Variants in SNX8 observed in about 807,000 individuals in gnomAD.
The protein encoded by SNX8 is sorting nexin-8.
Under a neutral mutation model 51.6 loss-of-function variants are expected in SNX8, and 25 were observed. The observed-to-expected ratio is 0.48, with a 90% CI of 0.35 to 0.68. The LOEUF (loss-of-function observed/expected upper bound fraction) is 0.68, where lower values mean the gene tolerates loss of function less well. Among genes scored for constraint, SNX8 ranks in the 30% least tolerant of loss-of-function variants. The pLI is 0.00. For missense variants in SNX8, 695 were observed against 624.0 expected (o/e 1.11, Z -1.21); for synonymous variants, 324 against 277.0 (o/e 1.17, Z -1.68).
At chr7:2,354,280 C>T (rs1274768757) in exon 1 of SNX8, 1 of 152,216 alleles carries the variant, frequency 6.6e-6, no homozygotes, top group Non-Finnish European at 1.5e-5. Context: ...TCTGGCTCGC[C>T]CCGAATTCCT....
At chr7:2,315,984 T>C (rs1796749228), upstream of SNX8, among the ~76,000 whole-genome samples, 1 of 122,004 alleles carries the variant, frequency 8.2e-6, no homozygotes. Context: ...CATACATTCA[T>C]TCACCCACAC....
chr7:2,304,462 T>C (rs1357542445), intron 1 of SNX8, among the ~76,000 whole-genome samples: 1 of 151,406 alleles, frequency 6.6e-6, no homozygotes, highest in Non-Finnish European at 1.5e-5. Context: ...GAGAATGGCG[T>C]GAACCCGGGA....
intron 1 of SNX8, among the ~76,000 whole-genome samples, chr7:2,327,164 C>T (rs1205041150): frequency 6.6e-6 from 1 of 152,062 alleles, no homozygotes; most frequent in East Asian, 1.9e-4. Context: ...CACGTCACCT[C>T]AGTCTCTGCC....
chr7:2,346,963 G>T (rs912724300), intron 1 of SNX8, among the ~76,000 whole-genome samples: 2 of 150,952 alleles, frequency 1.3e-5, no homozygotes, highest in Non-Finnish European at 3.0e-5. Flanking sequence ...TAGGGAAATA[G>T]GGAGCATCTG....
At chr7:2,261,141 C>T (rs1366023467) in intron 7 of SNX8, among the ~76,000 whole-genome samples, 1 of 152,216 alleles carries the variant, frequency 6.6e-6, no homozygotes, top group Non-Finnish European at 1.5e-5. Context: ...ATTACAGAAA[C>T]AGCTCCTTTG....
chr7:2,323,874 C>T (rs558313469), intron 1 of SNX8, among the ~76,000 whole-genome samples: 14 of 152,044 alleles, frequency 9.2e-5, no homozygotes, highest in African/African-American at 3.1e-4. Context: ...GGCACCATCT[C>T]GGCTCACTGC....
chr7:2,345,612 A>G (rs1054033677), intron 1 of SNX8, among the ~76,000 whole-genome samples: 2 of 151,292 alleles, frequency 1.3e-5, no homozygotes, highest in Non-Finnish European at 2.9e-5. Flanking sequence ...CAGGAGGTGG[A>G]GGATGCAGTG....
Position 2,269,612 on chromosome 7 carries a change from C to T in SNX8, c.568G>A (p.Ala190Thr). ...AGGAATTCGTCCCCGACGCACTGTG[C>T]TGACTCCTTTAACTTGTTCTGCACA... is the stretch of plus-strand genomic sequence containing the variant. ...SDVQNKLKES[A>T]QCVGDEFLNC... The change falls in exon 5 of 11, where the codon GCA becomes ACA. Residue 190 changes from alanine to threonine, a missense_variant. Coordinates refer to ENST00000222990, the MANE Select transcript of SNX8 (RefSeq NM_013321.4). 1.2e-6 allele frequency: 2 copies of T among 1,601,998 alleles called. No individual in the cohort carries two copies. The highest frequency in any genetic ancestry group is 8.5e-7 in the Non-Finnish European group (1 of 1,174,316).
intron 7 of SNX8, among the ~76,000 whole-genome samples, chr7:2,263,027 G>A (rs1159573362): frequency 6.6e-6 from 1 of 152,264 alleles, no homozygotes; most frequent in Non-Finnish European, 1.5e-5. Context: ...GCTAAGGCAG[G>A]AGAATCACTT....
chr7:2,349,646 A>G (rs1779102175), intron 1 of SNX8, among the ~76,000 whole-genome samples: 1 of 151,954 alleles, frequency 6.6e-6, no homozygotes, highest in African/African-American at 2.4e-5. Flanking sequence ...CATGTTGTCT[A>G]GGCTGATGTT....
intron 1 of SNX8, among the ~76,000 whole-genome samples, chr7:2,352,988 G>C (rs945266967): frequency 6.6e-6 from 1 of 152,002 alleles, no homozygotes. Context: ...CTTCTTTTTC[G>C]CTCTTTTAAA....
At chr7:2,255,875 C>T (rs1046078782) in intron 10 of SNX8, among the ~76,000 whole-genome samples, 1 of 152,228 alleles carries the variant, frequency 6.6e-6, no homozygotes, top group Non-Finnish European at 1.5e-5. Context: ...GGGGTCAGGC[C>T]AAGACCTGCC....
intron 4 of SNX8, 45 bp downstream of exon 4, chr7:2,271,804 CG>C: frequency 6.4e-7 from 1 of 1,561,260 alleles, no homozygotes; most frequent in Non-Finnish European, 8.7e-7. Context: ...TCCGGAGGCT[CG>C]GGGACTCCCC....
At chr7:2,284,709 C>T (rs10263532) in intron 1 of SNX8, among the ~76,000 whole-genome samples, 5,421 of 151,592 alleles carry the variant, frequency 0.036, 332 homozygotes, top group African/African-American at 0.12. Flanking sequence ...TGGCCTATTG[C>T]TTTTATTTCT....
chr7:2,321,304 G>A (rs1778507659), intron 1 of SNX8, among the ~76,000 whole-genome samples: 1 of 152,168 alleles, frequency 6.6e-6, no homozygotes, highest in African/African-American at 2.4e-5. Flanking sequence ...CTCCGCTGCT[G>A]GATCCCTCTA....
chr7:2,312,528 C>A (rs1016903282), intron 1 of SNX8, among the ~76,000 whole-genome samples: 1 of 152,134 alleles, frequency 6.6e-6, no homozygotes, highest in Non-Finnish European at 1.5e-5. Flanking sequence ...TACACTGATA[C>A]AAGGGAAAGG....
intron 1 of SNX8, among the ~76,000 whole-genome samples, chr7:2,288,606 T>C (rs1351413823): frequency 6.6e-6 from 1 of 152,096 alleles, no homozygotes; most frequent in Non-Finnish European, 1.5e-5. Flanking sequence ...TCTACATGAG[T>C]GCCCCAGGGC....
chr7:2,332,743 AAAGGAAGGAAGG>A (rs57859551), intron 1 of SNX8, among the ~76,000 whole-genome samples: 64 of 140,382 alleles, frequency 4.6e-4, no homozygotes, highest in Non-Finnish European at 6.7e-4. Context: ...GAGAGAGAGA[AAAGGAAGGAAGG>A]AAGGAAGGAA....
At chr7:2,267,186 C>T (rs1795484610) in intron 5 of SNX8, among the ~76,000 whole-genome samples, 1 of 152,364 alleles carries the variant, frequency 6.6e-6, no homozygotes, top group South Asian at 2.1e-4. Context: ...AACCATGCGA[C>T]AGATGTCAGC....
Sources: gnomAD v4.1 joint callset for allele counts (sites outside exome capture counted in the v4.1 genomes callset) on GRCh38, gnomAD v4.1.1 for gene constraint, MANE v1.5 for transcripts, NCBI Gene and HGNC (gene_info 2026-07-23, HGNC 2026-07-21) for gene names.